Variants in ANK2 observed in about 807,000 individuals in gnomAD.
ANK2 encodes ankyrin 2.
In ANK2, 83 loss-of-function variants were observed where a neutral mutation model predicts 360.5. The ratio of observed to expected loss-of-function variants is 0.23; its 90% confidence interval spans 0.19 to 0.28. ANK2 has a LOEUF of 0.28. Among genes scored for constraint, ANK2 ranks in the 10% least tolerant of loss-of-function variants. The pLI is 1.00. For missense variants in ANK2, 4,201 were observed against 4,795.7 expected, an observed-to-expected ratio of 0.88 and a Z score of 3.66; for synonymous variants, 1,740 against 1,759.5, an observed-to-expected ratio of 0.99 and a Z score of 0.28.
rs1254755522 is a variant in ANK2 at position 113,240,592 on chromosome 4, T to G, written c.792+9T>G. 3 of 1,597,022 alleles carry G rather than the reference T, an allele frequency of 1.9e-6. No homozygotes were observed. Among genetic ancestry groups the G allele is most frequent in the Non-Finnish European group, 2.6e-6 (3 of 1,164,582 alleles). On this transcript the variant is annotated intron_variant, in intron 8 of 45. Coordinates refer to ENST00000357077, the MANE Select transcript of ANK2 (RefSeq NM_001148.6). ...TGGACTTCACAGCCAGGGTATGGAT[T>G]GAAATAGTTTCTCATTCTAGATAGC...
chr4:113,043,133 G>A (rs910632714), intron 2 of ANK2, among the ~76,000 whole-genome samples: 1 of 152,148 alleles, frequency 6.6e-6, no homozygotes, highest in Non-Finnish European at 1.5e-5. Context: ...ACATAGGTGA[G>A]AGGAACAAAA....
the ANK2 span, among the ~76,000 whole-genome samples, chr4:112,744,120 A>G: frequency 7.9e-5 from 12 of 151,560 alleles, no homozygotes; most frequent in African/African-American, 2.9e-4. Flanking sequence ...CCAGGCCCGG[A>G]CATTTTGGCT....
intron 7 of ANK2, among the ~76,000 whole-genome samples, chr4:113,239,640 A>T (rs1224746867): frequency 1.3e-5 from 2 of 152,252 alleles, no homozygotes; most frequent in East Asian, 3.9e-4. Flanking sequence ...TTTCAACTAG[A>T]TTTTCATCAG....
intron 2 of ANK2, among the ~76,000 whole-genome samples, chr4:112,976,041 AT>A (rs201439735): frequency 6.6e-6 from 1 of 151,300 alleles, no homozygotes; most frequent in Non-Finnish European, 1.5e-5. Context: ...ATGCTCTGAC[AT>A]TTTTTTTCAT....
intron 2 of ANK2, among the ~76,000 whole-genome samples, chr4:113,017,939 T>C (rs1022371228): frequency 6.6e-6 from 1 of 152,154 alleles, no homozygotes; most frequent in African/African-American, 2.4e-5. Flanking sequence ...TTGGATGTGG[T>C]GGGTATAAGA....
At chr4:113,187,085 A>T (rs201289290) in intron 2 of ANK2, among the ~76,000 whole-genome samples, 5 of 142,632 alleles carry the variant, frequency 3.5e-5, no homozygotes, top group Non-Finnish European at 7.8e-5. Context: ...GTCATTACTT[A>T]AAAAAAAAAA....
In ANK2 at chr4:113,188,303, A is replaced by G. The variant is rs1489055957; in HGVS notation, c.187-8065A>G. Among the ~76,000 whole-genome samples, 4 of 152,224 alleles carry G rather than the reference A, an allele frequency of 2.6e-5. No homozygotes were observed. In the South Asian group the frequency reaches 8.3e-4, roughly 31 times the overall value. On this transcript the variant is annotated intron_variant, in intron 2 of 45. Transcript: ENST00000357077. ...TTATAATTTCTTTTAGATAATTTAT[A>G]GTCCTATGGGACACAGGAAAGCTTC... is the stretch of plus-strand genomic sequence containing the variant.
intron 2 of ANK2, among the ~76,000 whole-genome samples, chr4:112,994,030 T>C (rs1483360028): frequency 6.6e-6 from 1 of 152,130 alleles, no homozygotes; most frequent in Non-Finnish European, 1.5e-5. Context: ...CTTTGGAGTG[T>C]CCATCCACAC....
chr4:112,752,089 C>T, the ANK2 span, among the ~76,000 whole-genome samples: 1 of 152,194 alleles, frequency 6.6e-6, no homozygotes, highest in Non-Finnish European at 1.5e-5. Flanking sequence ...ATCCCCACTC[C>T]TAGAAATTAG....
At chr4:113,267,144 A>G (rs1392590370) in intron 14 of ANK2, among the ~76,000 whole-genome samples, 2 of 152,132 alleles carry the variant, frequency 1.3e-5, no homozygotes, top group Non-Finnish European at 2.9e-5. Context: ...TCGATTCTGG[A>G]TATTAGCCCT....
intron 26 of ANK2, among the ~76,000 whole-genome samples, chr4:113,321,842 C>T (rs139665217): frequency 6.6e-6 from 1 of 152,246 alleles, no homozygotes; most frequent in East Asian, 1.9e-4. Flanking sequence ...AAGTGATTCT[C>T]CTGCCTCAGC....
chr4:112,755,846 GGA>G, the ANK2 span: 3 of 153,844 alleles, frequency 2.0e-5, no homozygotes. Flanking sequence ...CAGTGGGAGT[GGA>G]GAAGGAACAA....
chr4:113,377,544 A>T (rs2096994242), intron 45 of ANK2, among the ~76,000 whole-genome samples: 1 of 152,228 alleles, frequency 6.6e-6, no homozygotes, highest in Admixed American at 6.5e-5. Context: ...ATGTGCAAAC[A>T]TCTACAAAGT....
intron 2 of ANK2, among the ~76,000 whole-genome samples, chr4:113,192,937 A>AC (rs1373390360): frequency 1.3e-5 from 2 of 151,246 alleles, no homozygotes; most frequent in Non-Finnish European, 3.0e-5. Context: ...AAAAAAAAAA[A>AC]AAAACAACCC....
At chr4:113,311,873 T>C (rs962979378) in intron 24 of ANK2, among the ~76,000 whole-genome samples, 1 of 152,174 alleles carries the variant, frequency 6.6e-6, no homozygotes, top group African/African-American at 2.4e-5. Flanking sequence ...CAAAACTGCC[T>C]GGAACTGACT....
chr4:113,373,564 A>C (rs777865551), intron 45 of ANK2, 115 bp downstream of exon 45: 31 of 1,178,072 alleles, frequency 2.6e-5, no homozygotes, highest in Non-Finnish European at 3.6e-5. Context: ...TTCATGTGGC[A>C]GTTTGCTCTT....
At chr4:112,816,557 C>T (rs1229010856), upstream of ANK2, among the ~76,000 whole-genome samples, 1 of 151,624 alleles carries the variant, frequency 6.6e-6, no homozygotes, top group Non-Finnish European at 1.5e-5. Flanking sequence ...ATATTATAGC[C>T]TTAATTAACA....
chr4:112,955,778 G>A (rs1456685457), intron 2 of ANK2, among the ~76,000 whole-genome samples: 1 of 152,194 alleles, frequency 6.6e-6, no homozygotes, highest in African/African-American at 2.4e-5. Context: ...GGGTTAGGGA[G>A]AGAAGGTAAA....
intron 1 of ANK2, among the ~76,000 whole-genome samples, chr4:112,876,457 G>A (rs1002839901): frequency 5.3e-5 from 8 of 152,066 alleles, no homozygotes; most frequent in Non-Finnish European, 1.2e-4. Flanking sequence ...AAAGAGGGTA[G>A]GAAACTGCGG....
Sources: gnomAD v4.1 joint callset for allele counts (sites outside exome capture counted in the v4.1 genomes callset) on GRCh38, gnomAD v4.1.1 for gene constraint, MANE v1.5 for transcripts, NCBI Gene and HGNC (gene_info 2026-07-23, HGNC 2026-07-21) for gene names.